SCRN1: variants seen among roughly 807,000 people sequenced by gnomAD.
SCRN1 encodes secernin-1.
A neutral mutation model predicts 43.3 loss-of-function variants in SCRN1; 19 were observed. The ratio of observed to expected loss-of-function variants is 0.44; its 90% CI spans 0.31 to 0.64. SCRN1 has a LOEUF of 0.64. Among genes scored for constraint, SCRN1 ranks in the 30% least tolerant of loss-of-function variants. SCRN1 has a pLI of 0.09. For missense variants in SCRN1, 447 were observed against 524.1 expected (o/e 0.85, Z 1.44); for synonymous variants, 183 against 188.9 (o/e 0.97, Z 0.26).
chr7:29,931,794 G>C, intron 6 of SCRN1, among the ~76,000 whole-genome samples: 1 of 152,128 alleles, frequency 6.6e-6, no homozygotes. Flanking sequence ...CCTGTTCAGA[G>C]GAAGCTGCTC....
rs139852061 is a variant in SCRN1, at chr7:29,953,592, T to G, written c.341+1587A>C. ...TTCATTTTGCTAATCAAGAGAAAAC[T>G]AGCTATATATAACTGGTTTTTAAAA... On this transcript the variant is annotated intron_variant, in intron 3 of 7. Transcript: ENST00000242059. Among the ~76,000 whole-genome samples the G allele has an allele frequency of 5.5e-4, 84 of 152,238 alleles. 2 individuals carry two copies. In the East Asian group the frequency reaches 0.015, roughly 27 times the overall value.
chr7:29,943,270 C>T (rs927388429), intron 4 of SCRN1, among the ~76,000 whole-genome samples: 3 of 152,128 alleles, frequency 2.0e-5, no homozygotes, highest in South Asian at 2.1e-4. Flanking sequence ...TAGTTCTCTT[C>T]GAAGCCCTTT....
chr7:29,984,331 TA>T (rs1754294161), intron 1 of SCRN1, among the ~76,000 whole-genome samples: 1 of 151,704 alleles, frequency 6.6e-6, no homozygotes, highest in Non-Finnish European at 1.5e-5. Context: ...ATCATATGGA[TA>T]AATTTTTTAA....
At chr7:29,989,944 G>C, upstream of SCRN1, 1 of 1,192,492 alleles carries the variant, frequency 8.4e-7, no homozygotes, top group Non-Finnish European at 1.1e-6. Flanking sequence ...GCTGCTCACC[G>C]TCGAGTAGGG....
intron 4 of SCRN1, among the ~76,000 whole-genome samples, chr7:29,943,568 G>C (rs896810806): frequency 2.8e-4 from 43 of 152,132 alleles, no homozygotes; most frequent in African/African-American, 8.9e-4. Flanking sequence ...TCCTATTTTA[G>C]AGGAACATGC....
chr7:29,968,760 G>T, intron 2 of SCRN1, 149 bp downstream of exon 2: 1 of 951,714 alleles, frequency 1.1e-6, no homozygotes, highest in Non-Finnish European at 1.6e-6. Flanking sequence ...TCAAGGCTAT[G>T]AGCAAACCTG....
chr7:29,926,880 TC>T (rs1389725632), intron 6 of SCRN1, among the ~76,000 whole-genome samples: 1 of 152,082 alleles, frequency 6.6e-6, no homozygotes, highest in East Asian at 1.9e-4. Flanking sequence ...AAAACAGACT[TC>T]CTTTGTTCTG....
At chr7:29,980,393 G>T (rs1010199643) in intron 1 of SCRN1, among the ~76,000 whole-genome samples, 1 of 152,090 alleles carries the variant, frequency 6.6e-6, no homozygotes, top group Non-Finnish European at 1.5e-5. Context: ...CACTAATTTG[G>T]CAAGGTTGCT....
At chr7:29,974,111 TTCA>T (rs1205723467) in intron 1 of SCRN1, among the ~76,000 whole-genome samples, 19 of 152,230 alleles carry the variant, frequency 1.2e-4, no homozygotes, top group Admixed American at 1.2e-3. Context: ...TCTTTGTTTT[TTCA>T]TCTTTTCCTC....
At chr7:29,969,104 C>G (rs1268320966) in intron 1 of SCRN1, 36 bp from the exon 2 acceptor site, 1 of 1,597,276 alleles carries the variant, frequency 6.3e-7, no homozygotes, top group Non-Finnish European at 8.5e-7. Context: ...GGAAGCAGGC[C>G]TCACATGGAA....
At chr7:29,973,287 C>A (rs1788718623) in intron 1 of SCRN1, among the ~76,000 whole-genome samples, 1 of 152,242 alleles carries the variant, frequency 6.6e-6, no homozygotes. Context: ...GCCCTCATTA[C>A]TATCTGGGAA....
chr7:29,978,697 G>A (rs1312695689), intron 1 of SCRN1, among the ~76,000 whole-genome samples: 1 of 152,234 alleles, frequency 6.6e-6, no homozygotes, highest in Admixed American at 6.5e-5. Context: ...AGAGTTGCAT[G>A]AAAGTAATCT....
Position 29,923,757 on chromosome 7 carries a change from G to T in SCRN1, c.*200C>A. 1 of 609,528 alleles carries T rather than the reference G, an allele frequency of 1.6e-6. No homozygotes were observed. Among genetic ancestry groups the T allele is most frequent in the Non-Finnish European group, 2.9e-6 (1 of 345,496 alleles). 37.8% of individuals were successfully genotyped at this position (609,528 alleles called of 1,614,324 possible). A position where few individuals can be genotyped will look rare whatever the true frequency, so the allele number is the denominator to read the frequency against. ...CAGGCAACGGGATACATGTTACACT[G>T]CACAGGAAGGAGACCTACATTGCAG... On this transcript the variant is annotated 3_prime_UTR_variant, in exon 8 of 8. Transcript: ENST00000242059.
At chr7:29,940,110 G>A (rs1002115881) in intron 5 of SCRN1, among the ~76,000 whole-genome samples, 2 of 152,152 alleles carry the variant, frequency 1.3e-5, no homozygotes, top group Non-Finnish European at 2.9e-5. Context: ...GCAGTGAGCC[G>A]AGACTGTGCC....
intron 3 of SCRN1, chr7:29,947,120 A>C: frequency 5.4e-6 from 8 of 1,478,806 alleles, no homozygotes; most frequent in South Asian, 1.3e-5. Flanking sequence ...GGCCAAGGTT[A>C]GAGTTCCACT....
At chr7:29,949,455 T>C (rs775923775) in intron 3 of SCRN1, among the ~76,000 whole-genome samples, 1 of 147,024 alleles carries the variant, frequency 6.8e-6, no homozygotes. Context: ...CTCAGCTCAC[T>C]GCAACCTCCC....
At chr7:29,938,868 G>C (rs2128089256) in intron 5 of SCRN1, among the ~76,000 whole-genome samples, 1 of 152,324 alleles carries the variant, frequency 6.6e-6, no homozygotes, top group East Asian at 1.9e-4. Flanking sequence ...TTCTGTGTGT[G>C]TGTCTTTCAT....
At chr7:29,975,336 T>C (rs992500260) in intron 1 of SCRN1, among the ~76,000 whole-genome samples, 1 of 152,206 alleles carries the variant, frequency 6.6e-6, no homozygotes, top group Non-Finnish European at 1.5e-5. Context: ...AAAACTTCCT[T>C]GTTTGAGGCA....
In SCRN1 at chr7:29,955,203, G is replaced by A. The variant is rs1320542896; in HGVS notation, c.317C>T (p.Ala106Val). ...NTREPAAEIE[A>V]LLGMDLVRLG... ...CCTGACCAGATCCATCCCCAGCAAG[G>A]CTTCTATCTCGGCAGCTGGCTCTCT... is the stretch of plus-strand genomic sequence containing the variant. Residue 106 changes from alanine (A) to valine (V), a missense_variant, in exon 3 of 8, where the codon GCC becomes GTC. Transcript: ENST00000242059. 6.2e-7 allele frequency: 1 copy of A among 1,614,116 alleles called. No homozygotes were observed. Among genetic ancestry groups the A allele is most frequent in the Admixed American group, 1.7e-5 (1 of 60,008 alleles).
Sources: gnomAD v4.1 joint callset for allele counts (sites outside exome capture counted in the v4.1 genomes callset) on GRCh38, gnomAD v4.1.1 for gene constraint, MANE v1.5 for transcripts, NCBI Gene and HGNC (gene_info 2026-07-23, HGNC 2026-07-21) for gene names.